ANKS1B: variants seen among roughly 807,000 people sequenced by gnomAD.
The protein encoded by ANKS1B is ankyrin repeat and sterile alpha motif domain-containing protein 1B.
ANKS1B carries 36 observed loss-of-function variants against 148.3 expected under a neutral mutation model. The observed-to-expected ratio is 0.24, with a 90% CI of 0.19 to 0.32. ANKS1B has a LOEUF of 0.32. Among genes scored for constraint, ANKS1B ranks in the 10% least tolerant of loss-of-function variants. The pLI is 1.00. For missense variants in ANKS1B, 1,157 were observed against 1,542.6 expected (o/e 0.75, Z 4.19); for synonymous variants, 542 against 560.8 (o/e 0.97, Z 0.47).
At chr12:99,527,617 A>G (rs539026002) in intron 9 of ANKS1B, among the ~76,000 whole-genome samples, 1 of 152,162 alleles carries the variant, frequency 6.6e-6, no homozygotes, top group Non-Finnish European at 1.5e-5. Context: ...ATACTTGGAA[A>G]ATACAGGAAG....
intron 12 of ANKS1B, among the ~76,000 whole-genome samples, chr12:99,253,987 G>T (rs908455420): frequency 6.6e-6 from 1 of 152,128 alleles, no homozygotes; most frequent in African/African-American, 2.4e-5. Context: ...AAAATAATTG[G>T]CCTGTAATCT....
chr12:99,610,784 G>C (rs1212647802), intron 9 of ANKS1B, among the ~76,000 whole-genome samples: 2 of 152,106 alleles, frequency 1.3e-5, no homozygotes, highest in African/African-American at 4.8e-5. Context: ...TAGCTGGGTA[G>C]AGGTGTACAA....
At chr12:99,221,879 G>T (rs941343395) in intron 14 of ANKS1B, among the ~76,000 whole-genome samples, 1 of 152,080 alleles carries the variant, frequency 6.6e-6, no homozygotes, top group Non-Finnish European at 1.5e-5. Context: ...ATTCATTGCA[G>T]CATTGTTTAT....
At chr12:99,478,738 G>A (rs944923422) in intron 10 of ANKS1B, among the ~76,000 whole-genome samples, 5 of 152,086 alleles carry the variant, frequency 3.3e-5, no homozygotes, top group Middle Eastern at 3.4e-3. Flanking sequence ...CAAAATCAGC[G>A]TGACAGTACC....
chr12:99,501,992 G>T (rs375595512), intron 10 of ANKS1B, among the ~76,000 whole-genome samples: 1 of 151,970 alleles, frequency 6.6e-6, no homozygotes, highest in Non-Finnish European at 1.5e-5. Flanking sequence ...GTTGACCTGA[G>T]CCTGATCAGC....
At chr12:98,930,656 T>C (rs972922813) in intron 17 of ANKS1B, among the ~76,000 whole-genome samples, 1 of 152,016 alleles carries the variant, frequency 6.6e-6, no homozygotes, top group Non-Finnish European at 1.5e-5. Context: ...AACACTCTAA[T>C]TGAAAAAAAC....
At chr12:98,819,343 T>G (rs1331443569) in intron 19 of ANKS1B, among the ~76,000 whole-genome samples, 1 of 152,198 alleles carries the variant, frequency 6.6e-6, no homozygotes. Flanking sequence ...GGAACCAGGA[T>G]GCTGTACGGC....
chr12:99,237,352 G>A (rs1314908911), intron 14 of ANKS1B, among the ~76,000 whole-genome samples: 1 of 152,042 alleles, frequency 6.6e-6, no homozygotes, highest in African/African-American at 2.4e-5. Flanking sequence ...GTGTTTGTGT[G>A]TGTCTGGGGG....
At chr12:99,286,208 A>G (rs2154003673) in intron 12 of ANKS1B, among the ~76,000 whole-genome samples, 1 of 151,834 alleles carries the variant, frequency 6.6e-6, no homozygotes, top group South Asian at 2.1e-4. Context: ...CTTGGATACC[A>G]GCTAAGCCAC....
At chr12:98,953,537 GTTTTTTTTTTTTTTTT>G (rs1166158783) in intron 17 of ANKS1B, among the ~76,000 whole-genome samples, 9 of 57,456 alleles carry the variant, frequency 1.6e-4, no homozygotes, top group African/African-American at 4.4e-4. Context: ...ATCTAGAGTG[GTTTTTTTTTTTTTTTT>G]TTTTTTTTTT....
chr12:99,285,693 A>G (rs1044502017), intron 12 of ANKS1B, among the ~76,000 whole-genome samples: 1 of 152,046 alleles, frequency 6.6e-6, no homozygotes, highest in Non-Finnish European at 1.5e-5. Context: ...TGTTGGCGCC[A>G]CCCCTCCCTC....
intron 12 of ANKS1B, among the ~76,000 whole-genome samples, chr12:99,262,839 T>A (rs1042440681): frequency 5.9e-5 from 9 of 152,052 alleles, no homozygotes; most frequent in Non-Finnish European, 1.2e-4. Flanking sequence ...ATAAAGTACA[T>A]TTGGTCTTTT....
At chr12:98,979,688 A>T (rs2153227613) in intron 17 of ANKS1B, among the ~76,000 whole-genome samples, 1 of 149,418 alleles carries the variant, frequency 6.7e-6, no homozygotes, top group East Asian at 1.9e-4. Flanking sequence ...TTAGCAATTT[A>T]ATTATGCTGT....
At chr12:99,807,264 T>C (rs2067743794) in intron 3 of ANKS1B, among the ~76,000 whole-genome samples, 1 of 152,194 alleles carries the variant, frequency 6.6e-6, no homozygotes, top group Admixed American at 6.5e-5. Flanking sequence ...TGAAATGTTA[T>C]CATGGGTTGT....
At chr12:99,021,571 C>T (rs4762541) in intron 17 of ANKS1B, among the ~76,000 whole-genome samples, 61,359 of 151,722 alleles carry the variant, frequency 0.4, 12,644 homozygotes, top group South Asian at 0.51. Flanking sequence ...ATCATAGGCA[C>T]CACAATAAGG....
intron 8 of ANKS1B, among the ~76,000 whole-genome samples, chr12:99,719,889 A>G (rs1167905178): frequency 2.0e-5 from 3 of 152,052 alleles, no homozygotes; most frequent in African/African-American, 7.2e-5. Context: ...ATTCCAACTT[A>G]TACCCCTCAC....
chr12:99,629,309 A>G (rs533390588), intron 9 of ANKS1B, among the ~76,000 whole-genome samples: 28 of 152,186 alleles, frequency 1.8e-4, no homozygotes, highest in Non-Finnish European at 2.6e-4. Context: ...AACTAAGTTA[A>G]AAGTTAATTC....
At chr12:99,129,875 A>G (rs1203840704) in intron 15 of ANKS1B, among the ~76,000 whole-genome samples, 1 of 152,222 alleles carries the variant, frequency 6.6e-6, no homozygotes. Flanking sequence ...GTATCAAAAA[A>G]TGATAAGTTT....
intron 12 of ANKS1B, among the ~76,000 whole-genome samples, chr12:99,300,307 C>T (rs2081424436): frequency 7.2e-6 from 1 of 138,290 alleles, no homozygotes; most frequent in East Asian, 2.2e-4. Flanking sequence ...ACAAATATAG[C>T]TCATTATCAT....
Sources: allele counts gnomAD v4.1 joint callset (sites outside exome capture counted in the v4.1 genomes callset), GRCh38; gene constraint gnomAD v4.1.1; transcripts MANE v1.5; gene names NCBI Gene and HGNC (gene_info 2026-07-23, HGNC 2026-07-21).